Variants in SV2B observed in about 807,000 individuals in gnomAD.
The protein encoded by SV2B is solute carrier family 22 member B2.
A neutral mutation model predicts 73.9 loss-of-function variants in SV2B; 41 were observed. The observed-to-expected ratio is 0.56, with a 90% CI of 0.43 to 0.72. The LOEUF (loss-of-function observed/expected upper bound fraction) is 0.72, where lower values mean the gene tolerates loss of function less well. Among genes scored for constraint, SV2B ranks in the 30% least tolerant of loss-of-function variants. The pLI, the probability that SV2B is intolerant of heterozygous loss-of-function variation, is 0.00. For missense variants in SV2B, 764 were observed against 857.8 expected, an observed-to-expected ratio of 0.89 and a Z score of 1.37; for synonymous variants, 314 against 314.2, an observed-to-expected ratio of 1.00 and a Z score of 0.01.
At chr15:91,113,022 G>T (rs536730011) in intron 1 of SV2B, among the ~76,000 whole-genome samples, 1 of 152,044 alleles carries the variant, frequency 6.6e-6, no homozygotes, top group East Asian at 1.9e-4. Flanking sequence ...TTGAGAGATG[G>T]GGTCTCCCTA....
intron 1 of SV2B, among the ~76,000 whole-genome samples, chr15:91,165,236 C>A (rs1330944802): frequency 1.3e-5 from 2 of 152,122 alleles, no homozygotes; most frequent in Admixed American, 6.6e-5. Context: ...ACCTGGAAGG[C>A]TAGAGAATCA....
At chr15:91,200,733 AC>A (rs565199125) in intron 1 of SV2B, among the ~76,000 whole-genome samples, 145 of 151,882 alleles carry the variant, frequency 9.5e-4, no homozygotes, top group African/African-American at 3.3e-3. Context: ...GCATAGTGAG[AC>A]CTCATCTCTA....
At chr15:91,147,965 C>CATTTTT (rs2043194835) in intron 1 of SV2B, among the ~76,000 whole-genome samples, 1 of 39,298 alleles carries the variant, frequency 2.5e-5, no homozygotes, top group African/African-American at 1.0e-4. Flanking sequence ...CCCCCCCCAA[C>CATTTTT]TTTTTTTTTT....
At chr15:91,171,944 A>G (rs1010953489) in intron 1 of SV2B, among the ~76,000 whole-genome samples, 2 of 152,146 alleles carry the variant, frequency 1.3e-5, no homozygotes, top group African/African-American at 4.8e-5. Context: ...TGAAACAGCA[A>G]TCCATATCAC....
At chr15:91,244,333 T>C (rs529006699) in intron 2 of SV2B, among the ~76,000 whole-genome samples, 1 of 152,356 alleles carries the variant, frequency 6.6e-6, no homozygotes, top group African/African-American at 2.4e-5. Context: ...AAATATCTTA[T>C]GTGACATTTA....
chr15:91,146,482 A>G (rs2141203777), intron 1 of SV2B, among the ~76,000 whole-genome samples: 1 of 152,244 alleles, frequency 6.6e-6, no homozygotes, highest in South Asian at 2.1e-4. Flanking sequence ...TTTGTGAAGA[A>G]TGTCAACGGT....
chr15:91,135,393 T>A (rs1051481099), intron 1 of SV2B, among the ~76,000 whole-genome samples: 4 of 152,168 alleles, frequency 2.6e-5, no homozygotes, highest in Non-Finnish European at 5.9e-5. Context: ...GTGTCGGGGG[T>A]GTCATACTTC....
rs576897887 is a variant in SV2B at position 91,241,968 on chromosome 15, C to T, written c.452-9851C>T. 4.5e-4 allele frequency among the ~76,000 whole-genome samples: 68 copies of T among 152,180 alleles called. No individual in the cohort carries two copies. Among genetic ancestry groups the T allele is most frequent in the African/African-American group, 1.5e-3 (64 of 41,460 alleles). The stretch of plus-strand genomic sequence containing the variant: ...TTTCAGTAGAATGAATGAGTGAGGA[C>T]GTTTCATCTTTAAGCAGGAGTTAAT... On this transcript the variant is annotated intron_variant, in intron 2 of 12. Transcript: ENST00000394232. This position sits in a 1 kb window ranked among gnomAD's most constrained non-coding sequence, Gnocchi z 4.8.
chr15:91,179,068 G>A (rs2044444377), intron 1 of SV2B, among the ~76,000 whole-genome samples: 1 of 151,786 alleles, frequency 6.6e-6, no homozygotes, highest in African/African-American at 2.4e-5. Flanking sequence ...CTTTGAATGT[G>A]TCCCAGAGAT....
At chr15:91,103,852 T>G (rs985138194) in intron 1 of SV2B, among the ~76,000 whole-genome samples, 8 of 152,194 alleles carry the variant, frequency 5.3e-5, no homozygotes, top group African/African-American at 1.7e-4. Context: ...TGGCTTTTAG[T>G]ATTGCTGCCT....
In SV2B at chr15:91,188,505, C is replaced by T. The variant is rs960307232; in HGVS notation, c.-391-37368C>T. 4.0e-5 allele frequency among the ~76,000 whole-genome samples: 6 copies of T among 151,894 alleles called. No homozygotes were observed. The East Asian group carries it at 5.8e-4, about 15-fold the overall frequency. On this transcript the variant is annotated intron_variant, in intron 1 of 12. Coordinates refer to ENST00000394232, the MANE Select transcript of SV2B (RefSeq NM_001323032.3). ...ATTTTTTTTGTATTTTTAGTAGAGA[C>T]GGGGTTTCATCGTGTTGGCCAGGAT...
chr15:91,199,068 C>T (rs1410062664), intron 1 of SV2B, among the ~76,000 whole-genome samples: 3 of 152,112 alleles, frequency 2.0e-5, no homozygotes, highest in Non-Finnish European at 4.4e-5. Context: ...CCAGGCTGTA[C>T]TGGAACTCCT....
chr15:91,216,852 C>T (rs2046046939), intron 1 of SV2B, among the ~76,000 whole-genome samples: 1 of 150,518 alleles, frequency 6.6e-6, no homozygotes, highest in Non-Finnish European at 1.5e-5. Context: ...TCTCATGGGC[C>T]ATTTTCAACA....
At chr15:91,113,063 C>T (rs1197513027) in intron 1 of SV2B, among the ~76,000 whole-genome samples, 1 of 152,172 alleles carries the variant, frequency 6.6e-6, no homozygotes, top group Non-Finnish European at 1.5e-5. Flanking sequence ...AATTCCTGGC[C>T]TGAAGCGGTG....
intron 1 of SV2B, among the ~76,000 whole-genome samples, chr15:91,185,498 T>C (rs2044736071): frequency 6.6e-6 from 1 of 152,200 alleles, no homozygotes; most frequent in South Asian, 2.1e-4. Flanking sequence ...GGTCTTGTTG[T>C]CCAGAACTCA....
Position 91,223,015 on chromosome 15 carries a change from A to C in SV2B, c.-391-2858A>C, listed in dbSNP as rs2046266467. On this transcript the variant is annotated intron_variant, in intron 1 of 12. Transcript: ENST00000394232. The surrounding 1 kb of genome is among the most constrained non-coding windows in gnomAD (Gnocchi z 4.6). ...CTTAGATGTTCAGAATCAGGGTGTC[A>C]ACACAGTTGATTCCTTCTGAGAGCT... 6.6e-6 allele frequency among the ~76,000 whole-genome samples: 1 copy of C among 152,200 alleles called. No homozygotes were observed. Among genetic ancestry groups the C allele is most frequent in the Admixed American group, 6.5e-5 (1 of 15,290 alleles).
intron 9 of SV2B, among the ~76,000 whole-genome samples, chr15:91,278,509 C>G (rs1287870306): frequency 2.6e-5 from 4 of 151,378 alleles, no homozygotes; most frequent in Admixed American, 1.3e-4. Flanking sequence ...AACCCCGTCT[C>G]TACTAAAAAA....
chr15:91,181,876 A>T (rs1342221656), intron 1 of SV2B, among the ~76,000 whole-genome samples: 2 of 151,938 alleles, frequency 1.3e-5, no homozygotes, highest in African/African-American at 2.4e-5. Flanking sequence ...TTTAGTTCAA[A>T]CTGAATTGTA....
chr15:91,181,922 TATAG>T lies in SV2B; in HGVS notation c.-391-43942_-391-43939del, dbSNP rs202050131. Among the ~76,000 whole-genome samples, 1,131 of 152,152 alleles carry T rather than the reference TATAG, an allele frequency of 7.4e-3. 55 individuals are homozygous for T. The highest frequency in any genetic ancestry group is 0.065 in the Admixed American group (994 of 15,272). ...CAGTATATATCTAGATTAGATTAGATATAGATAGATAGGTAGACACATATATGTA... is the reference window on the plus strand; with the variant it reads ...CAGTATATATCTAGATTAGATTAGATATAGATAGGTAGACACATATATGTA... On this transcript the variant is annotated intron_variant, in intron 1 of 12. Coordinates refer to ENST00000394232, the MANE Select transcript of SV2B (RefSeq NM_001323032.3).
Sources: gnomAD v4.1 joint callset for allele counts (sites outside exome capture counted in the v4.1 genomes callset) on GRCh38, gnomAD v4.1.1 for gene constraint, Gnocchi (gnomAD v3.1) non-coding constraint, MANE v1.5 for transcripts, NCBI Gene and HGNC (gene_info 2026-07-23, HGNC 2026-07-21) for gene names.